Variants in COL25A1 observed in about 807,000 individuals in gnomAD.
COL25A1 encodes collagen type XXV alpha 1 chain.
A neutral mutation model predicts 128.4 loss-of-function variants in COL25A1; 103 were observed. The ratio of observed to expected loss-of-function variants is 0.80; its 90% CI spans 0.68 to 0.94. The LOEUF (loss-of-function observed/expected upper bound fraction) is 0.94, where lower values mean the gene tolerates loss of function less well. Among genes scored for constraint, COL25A1 ranks in the 40% least tolerant of loss-of-function variants. The pLI is 0.00. For missense variants in COL25A1, 745 were observed against 840.0 expected, an observed-to-expected ratio of 0.89 and a Z score of 1.40; for synonymous variants, 279 against 277.2, an observed-to-expected ratio of 1.01 and a Z score of -0.06.
intron 3 of COL25A1, among the ~76,000 whole-genome samples, chr4:109,061,468 T>C (rs1761968715): frequency 6.6e-6 from 1 of 152,218 alleles, no homozygotes. Context: ...AAGGAGGAGC[T>C]GCTATTTTGT....
At chr4:109,066,653 A>C (rs1468088284) in intron 3 of COL25A1, among the ~76,000 whole-genome samples, 1 of 152,066 alleles carries the variant, frequency 6.6e-6, no homozygotes, top group African/African-American at 2.4e-5. Flanking sequence ...AAATAATCAA[A>C]TTCCTTTCTT....
At chr4:108,935,103 C>G (rs936003105) in intron 11 of COL25A1, among the ~76,000 whole-genome samples, 1 of 152,014 alleles carries the variant, frequency 6.6e-6, no homozygotes, top group Non-Finnish European at 1.5e-5. Flanking sequence ...GTAGTTTTAA[C>G]GGGGTAGTCA....
At chr4:109,025,202 C>A (rs796676162) in intron 5 of COL25A1, among the ~76,000 whole-genome samples, 1 of 152,122 alleles carries the variant, frequency 6.6e-6, no homozygotes, top group South Asian at 2.1e-4. Context: ...AGTAAATGAT[C>A]AGTTTTACAG....
At chr4:108,960,195 CA>C (rs1181379177) in intron 8 of COL25A1, among the ~76,000 whole-genome samples, 1 of 151,694 alleles carries the variant, frequency 6.6e-6, no homozygotes, top group African/African-American at 2.4e-5. Flanking sequence ...TTAACACAAA[CA>C]GTAGTTATCC....
chr4:108,818,015 C>A (rs1316961460), intron 36 of COL25A1, among the ~76,000 whole-genome samples: 1 of 152,068 alleles, frequency 6.6e-6, no homozygotes, highest in Admixed American at 6.6e-5. Flanking sequence ...TTATCTACAG[C>A]ATTTATCGAT....
intron 6 of COL25A1, among the ~76,000 whole-genome samples, chr4:109,005,967 T>A (rs1438428516): frequency 6.6e-6 from 1 of 151,824 alleles, no homozygotes; most frequent in Non-Finnish European, 1.5e-5. Flanking sequence ...CAAAATCTTA[T>A]AAAATCAAAG....
intron 3 of COL25A1, among the ~76,000 whole-genome samples, chr4:109,204,472 T>A (rs549556579): frequency 6.6e-6 from 1 of 152,252 alleles, no homozygotes; most frequent in East Asian, 1.9e-4. Context: ...ACTCTTTTAT[T>A]ACAGCCAGAA....
intron 3 of COL25A1, among the ~76,000 whole-genome samples, chr4:109,294,819 G>T (rs181634533): frequency 6.6e-6 from 1 of 152,058 alleles, no homozygotes; most frequent in African/African-American, 2.4e-5. Context: ...GTCTTGTGAG[G>T]TTCCCTGAAA....
At chr4:108,833,198 T>C (rs1056382286) in intron 31 of COL25A1, among the ~76,000 whole-genome samples, 1 of 152,106 alleles carries the variant, frequency 6.6e-6, no homozygotes, top group Admixed American at 6.6e-5. Flanking sequence ...ATGAAAACAG[T>C]GTGTAACTGT....
intron 3 of COL25A1, among the ~76,000 whole-genome samples, chr4:109,083,104 T>C (rs982419197): frequency 5.3e-5 from 8 of 152,338 alleles, no homozygotes; most frequent in African/African-American, 1.7e-4. Flanking sequence ...GAAAATTTAA[T>C]AGGACTTCCA....
At chr4:109,115,118 A>G (rs947222409) in intron 3 of COL25A1, among the ~76,000 whole-genome samples, 6 of 152,112 alleles carry the variant, frequency 3.9e-5, no homozygotes, top group African/African-American at 1.4e-4. Flanking sequence ...ATTGAATAAG[A>G]GTCAAAACAA....
intron 8 of COL25A1, among the ~76,000 whole-genome samples, chr4:108,959,574 A>G (rs17039583): frequency 0.072 from 10,992 of 152,120 alleles, 423 homozygotes; most frequent in Middle Eastern, 0.14. Context: ...TCAAACTACA[A>G]CCCTGTTGGC....
chr4:109,065,000 C>A (rs986488543), intron 3 of COL25A1, among the ~76,000 whole-genome samples: 8 of 152,202 alleles, frequency 5.3e-5, no homozygotes, highest in Non-Finnish European at 1.0e-4. Context: ...GGAGGGCAGT[C>A]AGCCCACAGA....
chr4:109,071,047 T>C (rs1193388753), intron 3 of COL25A1, among the ~76,000 whole-genome samples: 2 of 152,066 alleles, frequency 1.3e-5, no homozygotes, highest in Non-Finnish European at 2.9e-5. Flanking sequence ...CTTCAAACTA[T>C]ACCACAAGGC....
chr4:108,817,699 C>A (rs1731377719), intron 36 of COL25A1, among the ~76,000 whole-genome samples: 1 of 152,154 alleles, frequency 6.6e-6, no homozygotes, highest in Non-Finnish European at 1.5e-5. Context: ...AAGCAATTTA[C>A]AAAGCATAGT....
intron 3 of COL25A1, among the ~76,000 whole-genome samples, chr4:109,109,255 T>C (rs757686716): frequency 1.4e-4 from 22 of 152,152 alleles, no homozygotes; most frequent in Non-Finnish European, 3.2e-4. Context: ...CACCTGGCTG[T>C]GTCAAGAGTT....
Position 109,301,986 on chromosome 4 carries a change from C to A in COL25A1, c.34G>T (p.Gly12Cys). 6.2e-7 allele frequency: 1 copy of A among 1,602,150 alleles called. No individual in the cohort carries two copies. The highest frequency in any genetic ancestry group is 8.5e-7 in the Non-Finnish European group (1 of 1,174,642). The change falls in exon 2 of 38, where the codon GGC becomes TGC. Residue 12 changes from glycine to cysteine, a missense_variant. This residue lies in a region of COL25A1 where 319 missense variants were observed against 324.9 expected (regional missense o/e 0.98). Transcript: ENST00000399132. Reference sequence around the variant, plus strand: ...GGGTCCTCGGATCTGGGCTCCCGGCCCCCTCCTTTCCCTGCGTGCTTCTTC... The same window carrying A: ...GGGTCCTCGGATCTGGGCTCCCGGCACCCTCCTTTCCCTGCGTGCTTCTTC... The part of the protein sequence containing the change: ...LLKKHAGKGG[G>C]REPRSEDPTP...
At chr4:109,245,970 C>T (rs896956077) in intron 3 of COL25A1, among the ~76,000 whole-genome samples, 1 of 134,440 alleles carries the variant, frequency 7.4e-6, no homozygotes, top group Non-Finnish European at 1.5e-5. Flanking sequence ...GGCCTGAAAA[C>T]TAGTTTTTCA....
At chr4:109,260,258 A>T (rs964299360) in intron 3 of COL25A1, among the ~76,000 whole-genome samples, 4 of 152,220 alleles carry the variant, frequency 2.6e-5, no homozygotes, top group African/African-American at 9.6e-5. Flanking sequence ...TCTCATAATA[A>T]GCTGAGTCCT....
Sources: gnomAD v4.1 joint callset for allele counts (sites outside exome capture counted in the v4.1 genomes callset) on GRCh38, gnomAD v4.1.1 for gene constraint, gnomAD v4.1.1 regional missense constraint, MANE v1.5 for transcripts, NCBI Gene and HGNC (gene_info 2026-07-23, HGNC 2026-07-21) for gene names.